The following IYD variants were observed in gnomAD, a reference collection of about 807,000 sequenced individuals.
IYD encodes iodotyrosine deiodinase 1.
In IYD, 25 loss-of-function variants were observed where a neutral mutation model predicts 28.4. That is an observed-to-expected ratio of 0.88 (90% CI 0.64 to 1.23). IYD has a LOEUF of 1.23. Ranked by LOEUF, IYD falls within the 50% of genes most tolerant of loss-of-function variation. The pLI is 0.00. For missense variants in IYD, 352 were observed against 357.9 expected (o/e 0.98, Z 0.13); for synonymous variants, 140 against 130.8 (o/e 1.07, Z -0.48).
At position 150,400,498 on chromosome 6, in the gene IYD, G is replaced by A. The variant is rs1424916497; in HGVS notation, c.*2261G>A. Reference sequence around the variant, plus strand: ...CCAAAGATGTCAATGGAAACTAATCGAGTCTTACACCTAATTTTCAGTTTA... The same window carrying A: ...CCAAAGATGTCAATGGAAACTAATCAAGTCTTACACCTAATTTTCAGTTTA... On this transcript the variant is annotated 3_prime_UTR_variant, in exon 5 of 5. Transcript: ENST00000344419. 6.6e-6 allele frequency: 1 copy of A among 152,134 alleles called. No individual in the cohort carries two copies. Among genetic ancestry groups the A allele is most frequent in the East Asian group, 1.9e-4 (1 of 5,192 alleles). 9.4% of individuals were successfully genotyped at this position (152,134 alleles called of 1,614,324 possible).
intron 1 of IYD, among the ~76,000 whole-genome samples, chr6:150,379,395 T>C (rs1777565285): frequency 6.6e-6 from 1 of 152,232 alleles, no homozygotes; most frequent in Non-Finnish European, 1.5e-5. Flanking sequence ...CTGCTAAATA[T>C]ACTTGAATCC....
Position 150,377,447 on chromosome 6 carries a change from T to G in IYD, c.178+8238T>G, listed in dbSNP as rs558741654. 7.9e-5 allele frequency among the ~76,000 whole-genome samples: 12 copies of G among 152,318 alleles called. No homozygotes were observed. In the South Asian group the frequency reaches 2.5e-3, roughly 32 times the overall value. Reference sequence around the variant, plus strand: ...TTCCCCAGCCATAGTATAGACCTTCTGCCCTGTGAAAGGCTCCAGGAATGG... The same window carrying G: ...TTCCCCAGCCATAGTATAGACCTTCGGCCCTGTGAAAGGCTCCAGGAATGG... On this transcript the variant is annotated intron_variant, in intron 1 of 4. Coordinates refer to ENST00000344419, the MANE Select transcript of IYD (RefSeq NM_203395.3).
intron 1 of IYD, among the ~76,000 whole-genome samples, chr6:150,379,292 A>T (rs1423958707): frequency 6.6e-6 from 1 of 152,136 alleles, no homozygotes; most frequent in Admixed American, 6.6e-5. Context: ...CACCCCTGTC[A>T]TTCTTTCTGC....
Position 150,399,487 on chromosome 6 carries a change from C to T in IYD, c.*1250C>T, listed in dbSNP as rs1293970158. 3 of 152,224 alleles carry T rather than the reference C, an allele frequency of 2.0e-5. No homozygotes were observed. Among genetic ancestry groups the T allele is most frequent in the East Asian group, 1.9e-4 (1 of 5,186 alleles). 9.4% of individuals were successfully genotyped at this position (152,224 alleles called of 1,614,324 possible). A position where few individuals can be genotyped will look rare whatever the true frequency, so the allele number is the denominator to read the frequency against. ...TCTTCACCCATCACCTTCTGTCGTC[C>T]TCCCAGGGGTGTCATATTTACAGAG... On this transcript the variant is annotated 3_prime_UTR_variant, in exon 5 of 5. Coordinates refer to ENST00000344419, the MANE Select transcript of IYD (RefSeq NM_203395.3).
intron 4 of IYD, among the ~76,000 whole-genome samples, chr6:150,394,556 A>G (rs1385436074): frequency 1.3e-5 from 2 of 152,216 alleles, no homozygotes; most frequent in Non-Finnish European, 2.9e-5. Context: ...GGAGCCTAAA[A>G]GTCACAGAGG....
chr6:150,399,765 G>A lies in IYD; in HGVS notation c.*1528G>A, dbSNP rs1278611455. 2.6e-5 allele frequency: 4 copies of A among 152,242 alleles called. No individual in the cohort carries two copies. Among genetic ancestry groups the A allele is most frequent in the African/African-American group, 9.7e-5 (4 of 41,430 alleles). The allele number at this position is 152,242 out of a possible 1,614,324, so 9.4% of individuals were successfully genotyped here. A position where few individuals can be genotyped will look rare whatever the true frequency, so the allele number is the denominator to read the frequency against. ...ACCCTGATCTGGGTTGCAGACTGCT[G>A]ACTTCTTATTGTGTCCTCGTGGTAG... is the stretch of plus-strand genomic sequence containing the variant. On this transcript the variant is annotated 3_prime_UTR_variant, in exon 5 of 5. Transcript: ENST00000344419.
chr6:150,389,102 T>A (rs1267664360), intron 1 of IYD, among the ~76,000 whole-genome samples: 1 of 152,196 alleles, frequency 6.6e-6, no homozygotes, highest in Non-Finnish European at 1.5e-5. Flanking sequence ...ACTCCTGGGC[T>A]CAAGCGATCC....
intron 1 of IYD, among the ~76,000 whole-genome samples, chr6:150,383,304 T>A (rs929018355): frequency 6.6e-6 from 1 of 152,122 alleles, no homozygotes; most frequent in African/African-American, 2.4e-5. Context: ...TCTCCATGGG[T>A]AGACCTGGGA....
intron 4 of IYD, among the ~76,000 whole-genome samples, chr6:150,397,584 AAAC>A (rs1475704242): frequency 9.5e-4 from 105 of 110,604 alleles, no homozygotes; most frequent in African/African-American, 7.0e-3. Flanking sequence ...AAAAAACAAA[AAAC>A]AAAACCGAAT....
At chr6:150,375,919 G>A (rs1325549738) in intron 1 of IYD, among the ~76,000 whole-genome samples, 1 of 152,192 alleles carries the variant, frequency 6.6e-6, no homozygotes, top group Non-Finnish European at 1.5e-5. Context: ...TTAGAAAATA[G>A]TGGTCCATTT....
At position 150,400,870 on chromosome 6, in the gene IYD, G is replaced by C. The variant is rs1778490336; in HGVS notation, c.*2633G>C. 1 of 152,230 alleles carries C rather than the reference G, an allele frequency of 6.6e-6. No homozygotes were observed. Among genetic ancestry groups the C allele is most frequent in the African/African-American group, 2.4e-5 (1 of 41,468 alleles). The allele number at this position is 152,230 out of a possible 1,614,324, so 9.4% of individuals were successfully genotyped here. A position where few individuals can be genotyped will look rare whatever the true frequency, so the allele number is the denominator to read the frequency against. On this transcript the variant is annotated 3_prime_UTR_variant, in exon 5 of 5. Coordinates refer to ENST00000344419, the MANE Select transcript of IYD (RefSeq NM_203395.3). ...CAACCAAAGGCAAAGCGTAAGCCTT[G>C]ATTGGATTTTGGTTTAGGAAAAATC...
At chr6:150,392,161 T>C (rs1197500145) in intron 2 of IYD, 184 bp from the exon 3 acceptor site, 1 of 270,656 alleles carries the variant, frequency 3.7e-6, no homozygotes, top group African/African-American at 2.3e-5. Context: ...CCCAAGCAGC[T>C]GGGACTATAG....
intron 1 of IYD, among the ~76,000 whole-genome samples, chr6:150,378,312 A>G (rs1387900952): frequency 6.7e-6 from 1 of 149,376 alleles, no homozygotes; most frequent in Non-Finnish European, 1.5e-5. Flanking sequence ...TATATCTCCT[A>G]ATGCGATCCC....
intron 1 of IYD, among the ~76,000 whole-genome samples, chr6:150,379,063 C>G (rs1424343898): frequency 6.6e-6 from 1 of 152,194 alleles, no homozygotes; most frequent in Non-Finnish European, 1.5e-5. Context: ...CATCTGGAAT[C>G]AGGCAGACTG....
intron 4 of IYD, among the ~76,000 whole-genome samples, 194 bp from the exon 5 acceptor site, chr6:150,397,861 G>A (rs1582805630): frequency 1.3e-5 from 2 of 151,392 alleles, no homozygotes; most frequent in Non-Finnish European, 2.9e-5. Flanking sequence ...TAAAAGAAGG[G>A]AGGGGGTGGG....
chr6:150,395,854 T>C (rs1350958369), intron 4 of IYD: 8 of 587,658 alleles, frequency 1.4e-5, no homozygotes, highest in Non-Finnish European at 1.5e-5. Flanking sequence ...TGCTTTTACT[T>C]AGATGTTTGT....
chr6:150,384,416 A>C (rs1229474953), intron 1 of IYD: 1 of 152,188 alleles, frequency 6.6e-6, no homozygotes. Context: ...ATAACAATTC[A>C]TTCTGATTTG....
Position 150,398,436 on chromosome 6 carries a change from C to T in IYD, c.*199C>T, listed in dbSNP as rs1778408164. 2 of 590,720 alleles carry T rather than the reference C, an allele frequency of 3.4e-6. No individual in the cohort carries two copies. The highest frequency in any genetic ancestry group is 6.0e-6 in the Non-Finnish European group (2 of 332,192). 36.6% of individuals were successfully genotyped at this position (590,720 alleles called of 1,614,324 possible). Reference sequence around the variant, plus strand: ...CAGTCCCATAAATCCTGTTTCTTATCCACTTTGGAAATGCATGAACACTTT... The same window carrying T: ...CAGTCCCATAAATCCTGTTTCTTATTCACTTTGGAAATGCATGAACACTTT... On this transcript the variant is annotated 3_prime_UTR_variant, in exon 5 of 5. Transcript: ENST00000344419.
chr6:150,373,262 T>C (rs1777336396), intron 1 of IYD, among the ~76,000 whole-genome samples: 1 of 152,224 alleles, frequency 6.6e-6, no homozygotes, highest in African/African-American at 2.4e-5. Context: ...GAGAAACAGA[T>C]TGTTATGTGC....
Sources: gnomAD v4.1 joint callset for allele counts (sites outside exome capture counted in the v4.1 genomes callset) on GRCh38, gnomAD v4.1.1 for gene constraint, MANE v1.5 for transcripts, NCBI Gene and HGNC (gene_info 2026-07-23, HGNC 2026-07-21) for gene names.